The following CDCA8 variants were observed in gnomAD, a reference collection of about 807,000 sequenced individuals.
CDCA8 encodes the protein cell division cycle associated 8.
A neutral mutation model predicts 40.0 loss-of-function variants in CDCA8; 25 were observed. The ratio of observed to expected loss-of-function variants is 0.63; its 90% CI spans 0.46 to 0.87. The LOEUF is 0.87. Among genes scored for constraint, CDCA8 ranks in the 40% least tolerant of loss-of-function variants. CDCA8 has a pLI of 0.00. For missense variants in CDCA8, 280 were observed against 348.4 expected, an observed-to-expected ratio of 0.80 and a Z score of 1.56; for synonymous variants, 111 against 126.5, an observed-to-expected ratio of 0.88 and a Z score of 0.82.
Position 37,702,298 on chromosome 1 carries a change from A to C in CDCA8, c.488+480A>C, listed in dbSNP as rs546261281. ...AGGTGATCCACCCACCTCAGCCCCC[A>C]CTTTTTTTTTTTAAGTATAGCAAGA... On this transcript the variant is annotated intron_variant, in intron 6 of 9. Transcript: ENST00000373055. 3.0e-3 allele frequency among the ~76,000 whole-genome samples: 431 copies of C among 145,454 alleles called. 4 individuals are homozygous for C. The highest frequency in any genetic ancestry group is 4.6e-3 in the Non-Finnish European group (302 of 66,120).
intron 3 of CDCA8, 31 bp from the exon 4 acceptor site, chr1:37,698,874 G>A (rs745665743): frequency 2.0e-6 from 3 of 1,524,470 alleles, no homozygotes; most frequent in South Asian, 2.3e-5. Context: ...GGTGGAATAA[G>A]CCTGGTGCTT....
intron 9 of CDCA8, among the ~76,000 whole-genome samples, chr1:37,708,076 C>T (rs1351994935): frequency 6.6e-6 from 1 of 152,226 alleles, no homozygotes; most frequent in Non-Finnish European, 1.5e-5. Context: ...ACCTAGCCAC[C>T]CAAATCTTGT....
intron 2 of CDCA8, 95 bp downstream of exon 2, chr1:37,693,128 A>G: frequency 9.5e-7 from 1 of 1,055,940 alleles, no homozygotes; most frequent in Non-Finnish European, 1.4e-6. Context: ...TCACCTTTTA[A>G]TGAGATCTGA....
intron 3 of CDCA8, among the ~76,000 whole-genome samples, 164 bp from the exon 4 acceptor site, chr1:37,698,741 C>T (rs1448872043): frequency 6.7e-6 from 1 of 148,332 alleles, no homozygotes; most frequent in African/African-American, 2.5e-5. Context: ...AGGTCTTGGG[C>T]TGTGTGGTGG....
At chr1:37,692,819 G>A in intron 1 of CDCA8, 35 bp downstream of exon 1, 3 of 1,613,242 alleles carry the variant, frequency 1.9e-6, no homozygotes, top group Non-Finnish European at 2.5e-6. Flanking sequence ...TCCTGGGGCG[G>A]TCGCGGGATG....
In CDCA8 at chr1:37,708,824, T is replaced by G; in HGVS notation, c.*458T>G. The G allele has an allele frequency of 4.2e-6, 1 of 240,034 alleles. No homozygotes were observed. The highest frequency in any genetic ancestry group is 8.3e-6 in the Non-Finnish European group (1 of 119,784). The allele number at this position is 240,034 out of a possible 1,614,324, so 14.9% of individuals were successfully genotyped here. On this transcript the variant is annotated 3_prime_UTR_variant, in exon 10 of 10. Transcript: ENST00000373055. ...ACCGGGAGGTTTAGGCTCAGATAAG[T>G]GAGCTCTGGGCCATGAGAGGGTAGG...
chr1:37,703,451 C>T (rs1218977066), intron 7 of CDCA8, 104 bp downstream of exon 7: 4 of 856,532 alleles, frequency 4.7e-6, no homozygotes, highest in Non-Finnish European at 8.0e-6. Context: ...CACGGTAGCT[C>T]ACGCCTGTAA....
intron 8 of CDCA8, 36 bp downstream of exon 8, chr1:37,705,603 G>A: frequency 6.2e-7 from 1 of 1,607,528 alleles, no homozygotes; most frequent in Non-Finnish European, 8.5e-7. Flanking sequence ...GCCACAGTGT[G>A]CTGCTTAGTC....
At chr1:37,707,892 G>A (rs1645613338) in intron 9 of CDCA8, among the ~76,000 whole-genome samples, 1 of 152,184 alleles carries the variant, frequency 6.6e-6, no homozygotes, top group South Asian at 2.1e-4. Flanking sequence ...GAACCTCCTT[G>A]GTCTGGTCAG....
At chr1:37,700,601 C>A in intron 5 of CDCA8, 80 bp downstream of exon 5, 1 of 832,512 alleles carries the variant, frequency 1.2e-6, no homozygotes, top group Non-Finnish European at 2.1e-6. Context: ...CTGTTGTACA[C>A]CAGAGCTCAC....
intron 2 of CDCA8, among the ~76,000 whole-genome samples, chr1:37,695,668 A>T (rs970901520): frequency 2.0e-5 from 3 of 152,192 alleles, no homozygotes; most frequent in African/African-American, 7.2e-5. Context: ...TTGAAGGATG[A>T]GTTAGAAATT....
chr1:37,700,618 G>T, intron 5 of CDCA8, 97 bp downstream of exon 5: 1 of 760,188 alleles, frequency 1.3e-6, no homozygotes, highest in Admixed American at 1.9e-5. Context: ...TCACAGTTTA[G>T]TAGAGATGAT....
In CDCA8 at chr1:37,701,753, G is replaced by C. The variant is rs1018245703; in HGVS notation, c.424-1G>C. 1.9e-6 allele frequency: 3 copies of C among 1,610,574 alleles called. No homozygotes were observed. Among genetic ancestry groups the C allele is most frequent in the Non-Finnish European group, 2.5e-6 (3 of 1,177,496 alleles). The stretch of plus-strand genomic sequence containing the variant: ...TTAGTCTCATTTGATTGTGACTGCA[G>C]GTCAAAAGGTGTCCTCCATCCAAGA... On this transcript the variant is annotated splice_acceptor_variant, in intron 5 of 9. Transcript: ENST00000373055. LOFTEE classifies it high-confidence loss of function.
In CDCA8 at chr1:37,705,581, A is replaced by G; in HGVS notation, c.711+14A>G. On this transcript the variant is annotated intron_variant, in intron 8 of 9. Coordinates refer to ENST00000373055, the MANE Select transcript of CDCA8 (RefSeq NM_001256875.2). ...GGCGGCGGAGAGGTGAAGTATTTCCAAGGGAAGCCAGGCCACAGTGTGCTG... is the reference window on the plus strand; with the variant it reads ...GGCGGCGGAGAGGTGAAGTATTTCCGAGGGAAGCCAGGCCACAGTGTGCTG... 6.2e-7 allele frequency: 1 copy of G among 1,611,444 alleles called. No homozygotes were observed. The highest frequency in any genetic ancestry group is 1.3e-5 in the African/African-American group (1 of 74,960).
chr1:37,707,992 G>C (rs1645613807), intron 9 of CDCA8, among the ~76,000 whole-genome samples: 1 of 152,188 alleles, frequency 6.6e-6, no homozygotes, highest in Non-Finnish European at 1.5e-5. Context: ...TACATCCAAG[G>C]AAGGGGACAA....
At chr1:37,693,393 T>A (rs1645492345) in intron 2 of CDCA8, among the ~76,000 whole-genome samples, 1 of 147,130 alleles carries the variant, frequency 6.8e-6, no homozygotes, top group South Asian at 2.3e-4. Flanking sequence ...TCAGGAAATT[T>A]ATTTAATTTT....
At chr1:37,702,911 C>T (rs1216005973) in intron 6 of CDCA8, among the ~76,000 whole-genome samples, 1 of 147,938 alleles carries the variant, frequency 6.8e-6, no homozygotes, top group Non-Finnish European at 1.5e-5. Context: ...AAGATTACGC[C>T]ATTGCACTCC....
At chr1:37,708,221 T>A in intron 9 of CDCA8, 101 bp from the exon 10 acceptor site, 1 of 987,488 alleles carries the variant, frequency 1.0e-6, no homozygotes, top group South Asian at 1.3e-5. Flanking sequence ...TCATGTGTGA[T>A]ACAGATAGAG....
intron 3 of CDCA8, among the ~76,000 whole-genome samples, chr1:37,698,298 A>G (rs1162133713): frequency 1.3e-5 from 2 of 152,244 alleles, no homozygotes; most frequent in East Asian, 1.9e-4. Context: ...TATCCAAAGG[A>G]TAGAGCCAAG....
Sources: gnomAD v4.1 joint callset for allele counts (sites outside exome capture counted in the v4.1 genomes callset) on GRCh38, gnomAD v4.1.1 for gene constraint, MANE v1.5 for transcripts, NCBI Gene and HGNC (gene_info 2026-07-23, HGNC 2026-07-21) for gene names.